The following R3HDM2 variants were observed in gnomAD, a reference collection of about 807,000 sequenced individuals.
R3HDM2 encodes the protein R3H domain containing 2, also known as R3H domain-containing protein 2.
A neutral mutation model predicts 124.5 loss-of-function variants in R3HDM2; 38 were observed. The observed-to-expected ratio is 0.31, with a 90% confidence interval of 0.24 to 0.40. R3HDM2 has a LOEUF of 0.40. Among genes scored for constraint, R3HDM2 ranks in the 10% least tolerant of loss-of-function variants. The pLI is 1.00. For missense variants in R3HDM2, 869 were observed against 1,236.9 expected (o/e 0.70, Z 4.46); for synonymous variants, 391 against 448.0 (o/e 0.87, Z 1.61).
At chr12:57,266,922 T>C (rs2042560567) in intron 18 of R3HDM2, 91 bp from the exon 19 acceptor site, 5 of 948,528 alleles carry the variant, frequency 5.3e-6, no homozygotes, top group Non-Finnish European at 7.8e-6. Flanking sequence ...TCCTCCCCTA[T>C]GGGAAGGAGA....
chr12:57,343,781 A>G (rs1055684892), intron 2 of R3HDM2, among the ~76,000 whole-genome samples: 4 of 151,650 alleles, frequency 2.6e-5, no homozygotes, highest in African/African-American at 9.7e-5. Context: ...AAAAAAAAAA[A>G]AAAAACAGGT....
intron 2 of R3HDM2, among the ~76,000 whole-genome samples, chr12:57,351,573 A>AT (rs1463960712): frequency 6.6e-6 from 1 of 152,098 alleles, no homozygotes; most frequent in African/African-American, 2.4e-5. Flanking sequence ...CCACTGAGAG[A>AT]TTTTCTCTAG....
intron 2 of R3HDM2, among the ~76,000 whole-genome samples, chr12:57,311,164 T>A (rs990412718): frequency 6.6e-6 from 1 of 151,954 alleles, no homozygotes; most frequent in Non-Finnish European, 1.5e-5. Context: ...CAAGCTACTC[T>A]CCCTTCAAAA....
chr12:57,348,081 CTG>C lies in R3HDM2; in HGVS notation c.-35-37620_-35-37619del, dbSNP rs1468923759. 2.6e-5 allele frequency among the ~76,000 whole-genome samples: 4 copies of C among 152,124 alleles called. No homozygotes were observed. The East Asian group carries it at 7.7e-4, about 29-fold the overall frequency. On this transcript the variant is annotated intron_variant, in intron 2 of 23. Coordinates refer to ENST00000402412, the MANE Select transcript of R3HDM2 (RefSeq NM_001394031.1). ...AGTTCTGATCGTTCTGTATTTTTTTCTGTGAGGTCAAAAGGTATCAAAATATA... is the reference window on the plus strand; with the variant it reads ...AGTTCTGATCGTTCTGTATTTTTTTCTGAGGTCAAAAGGTATCAAAATATA...
At chr12:57,267,020 T>C (rs1481333677) in intron 18 of R3HDM2, 189 bp from the exon 19 acceptor site, 1 of 490,988 alleles carries the variant, frequency 2.0e-6, no homozygotes, top group Non-Finnish European at 3.7e-6. Flanking sequence ...TATTTGTACT[T>C]GATCATCTTT....
intron 19 of R3HDM2, among the ~76,000 whole-genome samples, chr12:57,261,527 A>T (rs961275002): frequency 2.0e-5 from 3 of 152,006 alleles, no homozygotes; most frequent in Non-Finnish European, 2.9e-5. Flanking sequence ...TCATATTATT[A>T]TCTCTGCTCC....
At chr12:57,304,157 T>C (rs2051984452) in intron 3 of R3HDM2, among the ~76,000 whole-genome samples, 1 of 151,998 alleles carries the variant, frequency 6.6e-6, no homozygotes, top group Admixed American at 6.6e-5. Flanking sequence ...GTTATCAGGA[T>C]ACAAAGAAAG....
chr12:57,412,933 C>T (rs902824409), intron 1 of R3HDM2, among the ~76,000 whole-genome samples: 9 of 151,990 alleles, frequency 5.9e-5, no homozygotes, highest in African/African-American at 2.2e-4. Flanking sequence ...GGGCGGATCA[C>T]GAGGTCAGGA....
At chr12:57,416,240 A>G (rs533397797) in intron 1 of R3HDM2, among the ~76,000 whole-genome samples, 1 of 152,292 alleles carries the variant, frequency 6.6e-6, no homozygotes, top group Non-Finnish European at 1.5e-5. Context: ...GAGGGAGCAA[A>G]GAGAGGAGAG....
intron 2 of R3HDM2, among the ~76,000 whole-genome samples, chr12:57,353,669 C>G (rs923634087): frequency 6.6e-5 from 10 of 152,036 alleles, no homozygotes; most frequent in Admixed American, 6.6e-4. Flanking sequence ...CCACCTCACC[C>G]TCCCGAATAG....
At chr12:57,347,552 C>A (rs1460500093) in intron 2 of R3HDM2, among the ~76,000 whole-genome samples, 2 of 152,060 alleles carry the variant, frequency 1.3e-5, no homozygotes, top group Non-Finnish European at 2.9e-5. Flanking sequence ...CAAAATCTAA[C>A]ATAGTAACAA....
chr12:57,345,534 CACACACACACAT>C (rs1158379933), intron 2 of R3HDM2, among the ~76,000 whole-genome samples: 7 of 129,646 alleles, frequency 5.4e-5, no homozygotes, highest in South Asian at 4.7e-4. Context: ...CACACACACA[CACACACACACAT>C]ATATTAAGAG....
chr12:57,301,003 C>T (rs2051004644), intron 4 of R3HDM2, among the ~76,000 whole-genome samples: 1 of 151,928 alleles, frequency 6.6e-6, no homozygotes, highest in South Asian at 2.1e-4. Flanking sequence ...ACTTGGGAGG[C>T]TGAGGCGGGA....
intron 13 of R3HDM2, among the ~76,000 whole-genome samples, chr12:57,281,265 C>T (rs1038842717): frequency 2.8e-4 from 38 of 133,648 alleles, no homozygotes; most frequent in African/African-American, 8.6e-4. Context: ...CCAGCCTGGG[C>T]GACAAGAGCG....
chr12:57,399,738 A>G (rs1408562153), intron 1 of R3HDM2, among the ~76,000 whole-genome samples: 1 of 152,248 alleles, frequency 6.6e-6, no homozygotes, highest in East Asian at 1.9e-4. Context: ...AAAAACAGCC[A>G]CATGCCACTT....
chr12:57,348,714 AAAAAAAAGAGAG>A (rs1173214821), intron 2 of R3HDM2, among the ~76,000 whole-genome samples: 4 of 94,884 alleles, frequency 4.2e-5, no homozygotes, highest in Non-Finnish European at 8.2e-5. Context: ...AAAAAAAAAA[AAAAAAAAGAGAG>A]AGAAAAATTA....
chr12:57,348,566 C>T (rs1486977719), intron 2 of R3HDM2, among the ~76,000 whole-genome samples: 3 of 151,974 alleles, frequency 2.0e-5, no homozygotes, highest in African/African-American at 7.3e-5. Flanking sequence ...TGGTGGCACA[C>T]GCCTGTAATC....
At chr12:57,266,680 C>T in intron 19 of R3HDM2, 51 bp downstream of exon 19, 1 of 1,421,858 alleles carries the variant, frequency 7.0e-7, no homozygotes, top group Non-Finnish European at 9.9e-7. Flanking sequence ...GGCCCTTCAG[C>T]AATGTTTGCT....
chr12:57,326,873 C>T (rs565141760), intron 2 of R3HDM2, among the ~76,000 whole-genome samples: 35 of 152,152 alleles, frequency 2.3e-4, no homozygotes, highest in Admixed American at 2.2e-3. Flanking sequence ...AAGAATTATG[C>T]CAAATCAACT....
Sources: gnomAD v4.1 joint callset for allele counts (sites outside exome capture counted in the v4.1 genomes callset) on GRCh38, gnomAD v4.1.1 for gene constraint, MANE v1.5 for transcripts, NCBI Gene and HGNC (gene_info 2026-07-23, HGNC 2026-07-21) for gene names.